The following UGT3A2 variants were observed in gnomAD, a reference collection of about 807,000 sequenced individuals.
UGT3A2 encodes UDP glycosyltransferase family 3 member A2, also known as UDP-glycosyltransferase 3A2.
A neutral mutation model predicts 39.8 loss-of-function variants in UGT3A2; 32 were observed. The observed-to-expected ratio is 0.80, with a 90% CI of 0.61 to 1.08. The LOEUF (loss-of-function observed/expected upper bound fraction) is 1.08, where lower values mean the gene tolerates loss of function less well. UGT3A2 is among the 50% of genes least tolerant of loss of function. The pLI is 0.00. For synonymous variants in UGT3A2, 241 were observed against 230.7 expected, an observed-to-expected ratio of 1.04 and a Z score of -0.40; for missense variants, 611 against 637.1, an observed-to-expected ratio of 0.96 and a Z score of 0.44.
chr5:36,040,129 G>C (rs1049472576), intron 4 of UGT3A2, among the ~76,000 whole-genome samples: 1 of 151,656 alleles, frequency 6.6e-6, no homozygotes, highest in Non-Finnish European at 1.5e-5. Context: ...CATAGGGTAA[G>C]GCTCCTCTTC....
In UGT3A2 at chr5:36,051,866, T is replaced by A. The variant is rs780668469; in HGVS notation, c.311+4A>T. The A allele has an allele frequency of 1.3e-6, 2 of 1,577,042 alleles. No individual in the cohort carries two copies. The highest frequency in any genetic ancestry group is 1.7e-6 in the Non-Finnish European group (2 of 1,167,708). ...TTTTGTTCAAAGAATAAAAAAACAATTACCTGCCACCTAAAGTTTCTTCCA... is the reference window on the plus strand; with the variant it reads ...TTTTGTTCAAAGAATAAAAAAACAAATACCTGCCACCTAAAGTTTCTTCCA... On this transcript the variant is annotated splice_donor_region_variant and intron_variant, in intron 3 of 6. Transcript: ENST00000282507.
In UGT3A2 at chr5:36,066,684, C is replaced by G. The variant is rs753535714; in HGVS notation, c.94+12G>C. ...ACGCGCCTGTCTGGGAATTCTCCGG[C>G]CAAGCACTCACCTACTGTAGATATT... On this transcript the variant is annotated intron_variant, in intron 1 of 6. Coordinates refer to ENST00000282507, the MANE Select transcript of UGT3A2 (RefSeq NM_174914.4). The G allele has an allele frequency of 2.5e-6, 4 of 1,614,074 alleles. No individual in the cohort carries two copies. The East Asian group carries it at 6.7e-5, about 27-fold the overall frequency.
rs752724080 is a variant in UGT3A2 at position 36,035,982 on chromosome 5, G to A, written c.1296-8C>T. 2 of 1,611,092 alleles carry A rather than the reference G, an allele frequency of 1.2e-6. No individual in the cohort carries two copies. Among genetic ancestry groups the A allele is most frequent in the Non-Finnish European group, 1.7e-6 (2 of 1,177,522 alleles). ...ACTGCCGCGGACTTGTATCTGTTGA[G>A]AGAGATAGAGAGGGGGCATTACTAA... On this transcript the variant is annotated splice_polypyrimidine_tract_variant and splice_region_variant and intron_variant, in intron 6 of 6. Coordinates refer to ENST00000282507, the MANE Select transcript of UGT3A2 (RefSeq NM_174914.4).
intron 4 of UGT3A2, 135 bp from the exon 5 acceptor site, chr5:36,039,843 A>G (rs1741952124): frequency 4.4e-6 from 3 of 682,590 alleles, no homozygotes; most frequent in Non-Finnish European, 5.0e-6. Flanking sequence ...TATAGCTCCT[A>G]GTATAGCTCG....
chr5:36,059,584 G>T (rs1482161430), intron 2 of UGT3A2, among the ~76,000 whole-genome samples: 3 of 152,058 alleles, frequency 2.0e-5, no homozygotes, highest in Non-Finnish European at 2.9e-5. Context: ...ATGTGCAGAG[G>T]ACTTGGGAGG....
At chr5:36,059,513 C>T (rs1374097986) in intron 2 of UGT3A2, among the ~76,000 whole-genome samples, 2 of 152,030 alleles carry the variant, frequency 1.3e-5, no homozygotes, top group African/African-American at 4.8e-5. Flanking sequence ...TCTGCGGCTA[C>T]AGAAAGGCTA....
chr5:36,066,602 G>T, intron 1 of UGT3A2, 94 bp downstream of exon 1: 1 of 1,590,748 alleles, frequency 6.3e-7, no homozygotes, highest in South Asian at 1.1e-5. Context: ...GGAAAATCAC[G>T]TGGATGACTC....
At position 36,035,974 on chromosome 5, in the gene UGT3A2, T is replaced by C; in HGVS notation, c.1296A>G (p.Arg432=). ...TGGCAGCCACTGCCGCGGACTTGTATCTGTTGAGAGAGATAGAGAGGGGGC... is the reference window on the plus strand; with the variant it reads ...TGGCAGCCACTGCCGCGGACTTGTACCTGTTGAGAGAGATAGAGAGGGGGC... ...LKMKQIMEDK[R]YKSAAVAASV... The change falls in exon 7 of 7, where the codon AGA becomes AGG. Residue 432 remains arginine, a splice_region_variant and synonymous_variant. Transcript: ENST00000282507. 1 of 1,613,438 alleles carries C rather than the reference T, an allele frequency of 6.2e-7. No individual in the cohort carries two copies. Among genetic ancestry groups the C allele is most frequent in the Non-Finnish European group, 8.5e-7 (1 of 1,179,486 alleles).
At chr5:36,056,892 G>A (rs188569105) in intron 2 of UGT3A2, among the ~76,000 whole-genome samples, 3 of 152,298 alleles carry the variant, frequency 2.0e-5, no homozygotes, top group South Asian at 4.1e-4. Flanking sequence ...AAAAGCCTGT[G>A]TATGATGATT....
chr5:36,061,024 G>A (rs941836509), intron 2 of UGT3A2, among the ~76,000 whole-genome samples: 11 of 152,094 alleles, frequency 7.2e-5, no homozygotes, highest in African/African-American at 2.4e-4. Context: ...CAGGCGTGGT[G>A]CCCCACGCCT....
intron 2 of UGT3A2, among the ~76,000 whole-genome samples, chr5:36,060,640 C>T (rs572089852): frequency 1.3e-5 from 2 of 152,244 alleles, no homozygotes; most frequent in South Asian, 4.1e-4. Context: ...TTTAAGTTTT[C>T]ATTTTTACGT....
chr5:36,051,145 A>T (rs1470815352), intron 3 of UGT3A2, among the ~76,000 whole-genome samples: 1 of 152,158 alleles, frequency 6.6e-6, no homozygotes, highest in Admixed American at 6.5e-5. Flanking sequence ...CTTTATGGAA[A>T]AAGTCAGATT....
chr5:36,064,593 A>G (rs925808975), intron 1 of UGT3A2, among the ~76,000 whole-genome samples: 12 of 152,286 alleles, frequency 7.9e-5, no homozygotes, highest in African/African-American at 2.9e-4. Flanking sequence ...GAATCACGGT[A>G]TCCATGTCAG....
intron 4 of UGT3A2, among the ~76,000 whole-genome samples, chr5:36,047,484 C>T (rs1259688634): frequency 1.3e-5 from 2 of 152,178 alleles, no homozygotes; most frequent in Admixed American, 6.5e-5. Context: ...AGGGGCTCAC[C>T]CCAGCTCCCA....
intron 4 of UGT3A2, among the ~76,000 whole-genome samples, chr5:36,042,788 A>G (rs1484310002): frequency 6.6e-6 from 1 of 152,146 alleles, no homozygotes; most frequent in East Asian, 1.9e-4. Context: ...AAAAGAGACA[A>G]AGAAGGTTAT....
intron 4 of UGT3A2, among the ~76,000 whole-genome samples, chr5:36,040,116 C>T (rs1434210067): frequency 6.6e-6 from 1 of 151,260 alleles, no homozygotes; most frequent in Non-Finnish European, 1.5e-5. Context: ...GAAATGGTGG[C>T]AGCATAGGGT....
chr5:36,046,449 G>A (rs1742168084), intron 4 of UGT3A2, among the ~76,000 whole-genome samples: 1 of 152,180 alleles, frequency 6.6e-6, no homozygotes, highest in Non-Finnish European at 1.5e-5. Flanking sequence ...AAGGGATCCT[G>A]TCATTTGCAA....
At chr5:36,059,497 C>A (rs976627371) in intron 2 of UGT3A2, among the ~76,000 whole-genome samples, 3 of 151,400 alleles carry the variant, frequency 2.0e-5, no homozygotes, top group African/African-American at 7.3e-5. Flanking sequence ...TTGGCTTGTA[C>A]CGTCTTCTGC....
chr5:36,037,973 A>G lies in UGT3A2; in HGVS notation c.1119T>C (p.Asn373=). The part of the protein sequence containing the change: ...IRLFVTHGGQ[N]SIMEAIQHGV... ...CATGCTGGATGGCCTCCATTATGCT[A>G]TTCTGCCCGCCGTGGGTGACAAACA... is the stretch of plus-strand genomic sequence containing the variant. The change falls in exon 6 of 7, where the codon AAT becomes AAC. Residue 373 remains asparagine (N), a synonymous_variant. Transcript: ENST00000282507. 6.2e-7 allele frequency: 1 copy of G among 1,612,740 alleles called. No individual in the cohort carries two copies. Among genetic ancestry groups the G allele is most frequent in the South Asian group, 1.1e-5 (1 of 90,648 alleles).
Sources: allele counts gnomAD v4.1 joint callset (sites outside exome capture counted in the v4.1 genomes callset), GRCh38; gene constraint gnomAD v4.1.1; transcripts MANE v1.5; gene names NCBI Gene and HGNC (gene_info 2026-07-23, HGNC 2026-07-21).